The following ADCY6 variants were observed in gnomAD, a reference collection of about 807,000 sequenced individuals.
ADCY6 encodes adenylate cyclase 6.
A neutral mutation model predicts 111.6 loss-of-function variants in ADCY6; 59 were observed. The ratio of observed to expected loss-of-function variants is 0.53; its 90% confidence interval spans 0.43 to 0.66. The LOEUF (loss-of-function observed/expected upper bound fraction) is 0.66. Ranked by LOEUF, ADCY6 falls within the 30% of genes least tolerant of loss-of-function variation. The pLI, the probability that ADCY6 is intolerant of heterozygous loss-of-function variation, is 0.00. For missense variants in ADCY6, 1,242 were observed against 1,595.6 expected (o/e 0.78, Z 3.78); for synonymous variants, 576 against 642.9 (o/e 0.90, Z 1.57).
chr12:48,770,314 T>C (rs1176178709), intron 20 of ADCY6, among the ~76,000 whole-genome samples: 1 of 152,130 alleles, frequency 6.6e-6, no homozygotes, highest in Non-Finnish European at 1.5e-5. Context: ...AGCCAGTAAA[T>C]GGAGCAGCCA....
chr12:48,778,389 G>A, intron 2 of ADCY6, 132 bp from the exon 3 acceptor site: 1 of 1,071,792 alleles, frequency 9.3e-7, no homozygotes, highest in Non-Finnish European at 1.4e-6. Context: ...CTGTCCCCAA[G>A]CCACTGCCAC....
At chr12:48,789,094 C>G (rs1325480319), upstream of ADCY6, 1 of 151,882 alleles carries the variant, frequency 6.6e-6, no homozygotes, top group Non-Finnish European at 1.5e-5. Context: ...CCCTCTACCC[C>G]GGATCCAGAA....
intron 2 of ADCY6, among the ~76,000 whole-genome samples, chr12:48,780,473 T>C (rs35468640): frequency 0.22 from 33,927 of 152,142 alleles, 4,210 homozygotes; most frequent in African/African-American, 0.32. Flanking sequence ...TATGGGCAGC[T>C]CTGGCCCCAA....
At position 48,788,291 on chromosome 12, in the gene ADCY6, G is replaced by A. The variant is rs369153214; in HGVS notation, c.-5+615C>T. On this transcript the variant is annotated intron_variant, in intron 1 of 21. Coordinates refer to ENST00000357869, the MANE Select transcript of ADCY6 (RefSeq NM_015270.5). ...CCCACCAGGTCCCTCCAGCTCACAG[G>A]GGTAATCTGGTAAGGAGAGGATATG... 1.1e-3 allele frequency among the ~76,000 whole-genome samples: 167 copies of A among 152,266 alleles called. 1 individual carries two copies. Among genetic ancestry groups the A allele is most frequent in the Non-Finnish European group, 1.7e-3 (117 of 68,016 alleles).
At position 48,771,699 on chromosome 12, in the gene ADCY6, T is replaced by G. The variant is rs114641886; in HGVS notation, c.3051+11A>C. ...CCACTCTCTGCCACCACCAGCCAAC[T>G]GGAAAAGTACCTCATCAAAGTCAGC... On this transcript the variant is annotated intron_variant, in intron 19 of 21. Coordinates refer to ENST00000357869, the MANE Select transcript of ADCY6 (RefSeq NM_015270.5). The surrounding 1 kb of genome is among the most constrained non-coding windows in gnomAD (Gnocchi z 4.3). 680 of 1,613,806 alleles carry G rather than the reference T, an allele frequency of 4.2e-4. 9 individuals are homozygous for G. In the African/African-American group the frequency reaches 7.9e-3, roughly 19 times the overall value.
In ADCY6 at chr12:48,778,325, T is replaced by G. The variant is rs780675018; in HGVS notation, c.865-68A>C. ...CTGCCCCCCTAAACACACACACACA[T>G]TCACACAACTTGCTAGGTTCTCTGA... On this transcript the variant is annotated intron_variant, in intron 2 of 21. Transcript: ENST00000357869. The G allele has an allele frequency of 1.0e-5, 16 of 1,584,784 alleles. No homozygotes were observed. The East Asian group carries it at 3.4e-4, about 33-fold the overall frequency.
intron 20 of ADCY6, among the ~76,000 whole-genome samples, chr12:48,769,774 T>C (rs1941480041): frequency 6.7e-6 from 1 of 149,688 alleles, no homozygotes; most frequent in African/African-American, 2.5e-5. Context: ...TTTTTTTTTT[T>C]TGGGGGGGAC....
chr12:48,771,905 C>T lies in ADCY6; in HGVS notation c.2856G>A (p.Leu952=), dbSNP rs1324245603. Residue 952 remains leucine (L), a synonymous_variant, in exon 19 of 22, where the codon CTG becomes CTA. Coordinates refer to ENST00000357869, the MANE Select transcript of ADCY6 (RefSeq NM_015270.5). The surrounding 1 kb of genome is among the most constrained non-coding windows in gnomAD (Gnocchi z 4.3). The stretch of plus-strand genomic sequence containing the variant: ...GGAAGTGGGCCGCCACGTCCTTGGG[C>T]AGAATGTTATGCAGCAGCCTCCGGT... ...AYNRRLLHNI[L]PKDVAAHFLA... 7 of 1,614,210 alleles carry T rather than the reference C, an allele frequency of 4.3e-6. No individual in the cohort carries two copies. The highest frequency in any genetic ancestry group is 5.9e-6 in the Non-Finnish European group (7 of 1,180,044).
chr12:48,775,822 C>G (rs1167851800), intron 9 of ADCY6, 124 bp from the exon 10 acceptor site: 3 of 1,510,326 alleles, frequency 2.0e-6, no homozygotes, highest in Non-Finnish European at 2.7e-6. Flanking sequence ...GGCACTGGGA[C>G]CCGAGATGAA....
chr12:48,777,657 A>G lies in ADCY6; in HGVS notation c.1094T>C (p.Met365Thr). ...KEDINTKKED[M>T]MFHKIYIQKH... ...CTGTATGTAGATCTTGTGGAACATC[A>G]TGTCTTCTTTTTTTGTGTTGATGTC... The change falls in exon 4 of 22, where the codon ATG (methionine) becomes ACG (threonine). Residue 365 changes from methionine to threonine, a missense_variant. Transcript: ENST00000357869. This position sits in a 1 kb window ranked among gnomAD's most constrained non-coding sequence, Gnocchi z 4.9. 1 of 1,613,334 alleles carries G rather than the reference A, an allele frequency of 6.2e-7. No homozygotes were observed. Among genetic ancestry groups the G allele is most frequent in the Non-Finnish European group, 8.5e-7 (1 of 1,179,906 alleles).
intron 2 of ADCY6, among the ~76,000 whole-genome samples, chr12:48,781,247 G>A (rs2137379633): frequency 6.6e-6 from 1 of 151,778 alleles, no homozygotes; most frequent in South Asian, 2.1e-4. Flanking sequence ...CTGTTCTGCA[G>A]CACAGGCTGG....
rs1329953611 is a variant in ADCY6, at chr12:48,783,346, C to T, written c.89G>A (p.Arg30His). Residue 30 changes from arginine (R) to histidine (H), a missense_variant, in exon 2 of 22, where the codon CGC (arginine) becomes CAC (histidine). Arg to His is a conservative substitution (Grantham distance 29). This residue lies in a region of ADCY6 where 362 missense variants were observed against 377.2 expected (regional missense o/e 0.96). Transcript: ENST00000357869. ...GERNGQKRSRRRGTRAGGFCT... is the reference protein window; with the variant it reads ...GERNGQKRSRHRGTRAGGFCT... ...GAAGCCACCTGCCCGAGTGCCACGG[C>T]GCCGCGAACGCTTCTGCCCATTGCG... The T allele has an allele frequency of 4.3e-6, 7 of 1,614,004 alleles. No homozygotes were observed. Among genetic ancestry groups the T allele is most frequent in the East Asian group, 2.2e-5 (1 of 44,898 alleles).
chr12:48,786,686 A>G (rs1941984910), intron 1 of ADCY6, among the ~76,000 whole-genome samples: 1 of 152,112 alleles, frequency 6.6e-6, no homozygotes, highest in African/African-American at 2.4e-5. Flanking sequence ...AACATCACCA[A>G]CAGCACCATC....
rs1941714148 is a variant in ADCY6 at position 48,776,704 on chromosome 12, C to T, written c.1377-118G>A. 20 of 1,324,878 alleles carry T rather than the reference C, an allele frequency of 1.5e-5. No homozygotes were observed. The highest frequency in any genetic ancestry group is 1.9e-5 in the Non-Finnish European group (19 of 989,162). 82.1% of individuals were successfully genotyped at this position (1,324,878 alleles called of 1,614,324 possible). Reference sequence around the variant, plus strand: ...CAAGGACAGACCCAGATGCAGGGGACGGGAGCACAGCCTTGGTTGGACATG... The same window carrying T: ...CAAGGACAGACCCAGATGCAGGGGATGGGAGCACAGCCTTGGTTGGACATG... On this transcript the variant is annotated intron_variant, in intron 6 of 21. Transcript: ENST00000357869. This position sits in a 1 kb window ranked among gnomAD's most constrained non-coding sequence, Gnocchi z 6.1.
chr12:48,788,410 C>A (rs532098788), intron 1 of ADCY6, among the ~76,000 whole-genome samples: 1 of 152,276 alleles, frequency 6.6e-6, no homozygotes, highest in East Asian at 1.9e-4. Context: ...GCCCACCCTG[C>A]GGCAGGCCTT....
rs1388379185 is a variant in ADCY6, at chr12:48,768,302, T to G, written c.*289A>C. ...CTCAGGCAAGAGGCCTCCCTCTGCT[T>G]CTGCTACTGACCCCTCCCCTGCTCC... On this transcript the variant is annotated 3_prime_UTR_variant, in exon 22 of 22. Transcript: ENST00000357869. 4.1e-6 allele frequency: 2 copies of G among 488,800 alleles called. No individual in the cohort carries two copies. The highest frequency in any genetic ancestry group is 3.4e-5 in the Admixed American group (1 of 29,320). The allele number at this position is 488,800 out of a possible 1,614,324, so 30.3% of individuals were successfully genotyped here.
At chr12:48,775,249 G>A in intron 11 of ADCY6, 54 bp downstream of exon 11, 2 of 1,608,366 alleles carry the variant, frequency 1.2e-6, no homozygotes, top group South Asian at 2.2e-5. Flanking sequence ...AGCCTTCCCT[G>A]CTGCGACCTG....
At position 48,771,414 on chromosome 12, in the gene ADCY6, A is replaced by G. The variant is rs898448460; in HGVS notation, c.3051+296T>C. 1 of 541,606 alleles carries G rather than the reference A, an allele frequency of 1.8e-6. No homozygotes were observed. The highest frequency in any genetic ancestry group is 3.1e-5 in the Admixed American group (1 of 32,400). The allele number at this position is 541,606 out of a possible 1,614,324, so 33.6% of individuals were successfully genotyped here. A position where few individuals can be genotyped will look rare whatever the true frequency, so the allele number is the denominator to read the frequency against. On this transcript the variant is annotated intron_variant, in intron 19 of 21. Coordinates refer to ENST00000357869, the MANE Select transcript of ADCY6 (RefSeq NM_015270.5). The surrounding 1 kb of genome is among the most constrained non-coding windows in gnomAD (Gnocchi z 4.3). ...GTTGGTCTCATGAGGTTCTGTCCAC[A>G]GACTATTGCCTTCTTCTTCAGTGAC...
chr12:48,787,829 C>T (rs546723129), intron 1 of ADCY6, among the ~76,000 whole-genome samples: 1 of 152,168 alleles, frequency 6.6e-6, no homozygotes, highest in Non-Finnish European at 1.5e-5. Flanking sequence ...CTCAGTGCCT[C>T]CCAGACCTCA....
Sources: allele counts gnomAD v4.1 joint callset (sites outside exome capture counted in the v4.1 genomes callset), GRCh38; gene constraint gnomAD v4.1.1; regional missense constraint gnomAD v4.1.1; non-coding constraint Gnocchi (gnomAD v3.1); transcripts MANE v1.5; gene names NCBI Gene and HGNC (gene_info 2026-07-23, HGNC 2026-07-21).